CHERP: variants seen among roughly 807,000 people sequenced by gnomAD.
CHERP encodes the protein calcium homeostasis endoplasmic reticulum protein.
In CHERP, 8 loss-of-function variants were observed where a neutral mutation model predicts 113.8. The ratio of observed to expected loss-of-function variants is 0.07; its 90% CI spans 0.04 to 0.13. The LOEUF (loss-of-function observed/expected upper bound fraction) is 0.13. Among genes scored for constraint, CHERP ranks in the 10% least tolerant of loss-of-function variants. CHERP has a pLI of 1.00. For missense variants in CHERP, 884 were observed against 1,298.2 expected, an observed-to-expected ratio of 0.68 and a Z score of 4.90; for synonymous variants, 559 against 524.5, an observed-to-expected ratio of 1.07 and a Z score of -0.90.
chr19:16,523,282 G>T lies in CHERP; in HGVS notation c.1750C>A (p.Pro584Thr). 1 of 1,601,766 alleles carries T rather than the reference G, an allele frequency of 6.2e-7. No homozygotes were observed. The highest frequency in any genetic ancestry group is 8.5e-7 in the Non-Finnish European group (1 of 1,175,008). The change falls in exon 11 of 17, where the codon CCC becomes ACC. Residue 584 changes from proline (P) to threonine (T), a missense_variant. Coordinates refer to ENST00000546361, the MANE Select transcript of CHERP (RefSeq NM_006387.6). The surrounding 1 kb of genome is among the most constrained non-coding windows in gnomAD (Gnocchi z 4.0). ...CGGTGGCCAGGGTGGTGGTGAGGGG[G>T]CCCCATTTCTGCAAAACAGAGACTT... ...PQGDFPAEMG[P>T]PHHHPGHRMP...
At chr19:16,528,676 G>A (rs1051670642) in intron 8 of CHERP, among the ~76,000 whole-genome samples, 96 of 152,164 alleles carry the variant, frequency 6.3e-4, no homozygotes, top group Admixed American at 1.2e-3. Context: ...TTGCTAGGCC[G>A]GGTGCGGTGG....
chr19:16,531,768 G>C (rs1039864230), intron 5 of CHERP, among the ~76,000 whole-genome samples: 2 of 152,168 alleles, frequency 1.3e-5, no homozygotes, highest in African/African-American at 2.4e-5. Context: ...CCCAGCAGGA[G>C]AGAAACAGGG....
Position 16,518,425 on chromosome 19 carries a change from G to T in CHERP, c.*734C>A, listed in dbSNP as rs1449167367. 1 of 152,080 alleles carries T rather than the reference G, an allele frequency of 6.6e-6. No individual in the cohort carries two copies. The highest frequency in any genetic ancestry group is 1.9e-4 in the East Asian group (1 of 5,184). The allele number at this position is 152,080 out of a possible 1,614,324, so 9.4% of individuals were successfully genotyped here. A position where few individuals can be genotyped will look rare whatever the true frequency, so the allele number is the denominator to read the frequency against. ...TTTCCTGTTAGAATCTTGTTTCCCA[G>T]ATAACAGCAAATGGCTACATTCCAG... is the stretch of plus-strand genomic sequence containing the variant. On this transcript the variant is annotated 3_prime_UTR_variant, in exon 17 of 17. Coordinates refer to ENST00000546361, the MANE Select transcript of CHERP (RefSeq NM_006387.6).
chr19:16,542,361 G>A lies in CHERP; in HGVS notation c.18C>T (p.Pro6=), dbSNP rs765933663. The A allele has an allele frequency of 1.1e-5, 16 of 1,394,948 alleles. No individual in the cohort carries two copies. The highest frequency in any genetic ancestry group is 1.4e-5 in the Non-Finnish European group (15 of 1,068,108). 86.4% of individuals were successfully genotyped at this position (1,394,948 alleles called of 1,614,324 possible). A position where few individuals can be genotyped will look rare whatever the true frequency, so the allele number is the denominator to read the frequency against. The change falls in exon 1 of 17, where the codon CCC becomes CCT. Residue 6 remains proline (P), a synonymous_variant. Coordinates refer to ENST00000546361, the MANE Select transcript of CHERP (RefSeq NM_006387.6). MEMPL[P]PDDQELRNVI... is the part of the protein sequence containing the mutation. ...GGCCGGTTTGGGTCTCACCATCGGGGGGCAGCGGCATCTCCATGGCTCCGG... is the reference window on the plus strand; with the variant it reads ...GGCCGGTTTGGGTCTCACCATCGGGAGGCAGCGGCATCTCCATGGCTCCGG...
intron 1 of CHERP, 92 bp downstream of exon 1, chr19:16,542,262 C>T: frequency 8.2e-7 from 1 of 1,215,412 alleles, no homozygotes; most frequent in Non-Finnish European, 1.1e-6. Context: ...GAGCCCCGCC[C>T]CCTCCCAGAC....
chr19:16,538,882 G>A (rs1041861715), intron 2 of CHERP, among the ~76,000 whole-genome samples: 4 of 151,792 alleles, frequency 2.6e-5, no homozygotes, highest in East Asian at 1.9e-4. Flanking sequence ...CCATCAGGTC[G>A]TCAATATGCA....
At position 16,519,435 on chromosome 19, in the gene CHERP, A is replaced by G; in HGVS notation, c.2558-83T>C. On this transcript the variant is annotated intron_variant, in intron 16 of 16. Transcript: ENST00000546361. This position sits in a 1 kb window ranked among gnomAD's most constrained non-coding sequence, Gnocchi z 6.0. The stretch of plus-strand genomic sequence containing the variant: ...TGGGGGGCTGAATGTCCAGACAGGC[A>G]GTGTAGACATGGGAAATGGGTAGAG... The G allele has an allele frequency of 2.8e-6, 4 of 1,441,164 alleles. No homozygotes were observed. Among genetic ancestry groups the G allele is most frequent in the Non-Finnish European group, 2.9e-6 (3 of 1,049,884 alleles). 89.3% of individuals were successfully genotyped at this position (1,441,164 alleles called of 1,614,324 possible).
rs1350116631 is a variant in CHERP, at chr19:16,530,031, G to C, written c.877-131C>G. 7 of 1,203,848 alleles carry C rather than the reference G, an allele frequency of 5.8e-6. No individual in the cohort carries two copies. Among genetic ancestry groups the C allele is most frequent in the African/African-American group, 1.5e-5 (1 of 66,070 alleles). 74.6% of individuals were successfully genotyped at this position (1,203,848 alleles called of 1,614,324 possible). On this transcript the variant is annotated intron_variant, in intron 7 of 16. Transcript: ENST00000546361. This position sits in a 1 kb window ranked among gnomAD's most constrained non-coding sequence, Gnocchi z 4.1. ...GCAGGTGGACAGGGAACCGTCACGT[G>C]AAACAGCCAACACAGTCTGGGCAAT...
At chr19:16,538,684 C>CA (rs374159597) in intron 2 of CHERP, among the ~76,000 whole-genome samples, 35 of 146,692 alleles carry the variant, frequency 2.4e-4, no homozygotes, top group East Asian at 7.9e-4. Flanking sequence ...ACTCCATCTC[C>CA]AAAAAAAAAA....
Position 16,520,745 on chromosome 19 carries a change from G to A in CHERP, c.2201+81C>T, listed in dbSNP as rs2085605665. ...CAGGCTGTGTGAGGGTGGACGTGAT[G>A]AGTGTATCTGGGGTCTGCTCCCACC... On this transcript the variant is annotated intron_variant, in intron 13 of 16. Coordinates refer to ENST00000546361, the MANE Select transcript of CHERP (RefSeq NM_006387.6). This position sits in a 1 kb window ranked among gnomAD's most constrained non-coding sequence, Gnocchi z 4.0. 7.3e-7 allele frequency: 1 copy of A among 1,372,120 alleles called. No individual in the cohort carries two copies. Among genetic ancestry groups the A allele is most frequent in the African/African-American group, 1.4e-5 (1 of 70,156 alleles). 85.0% of individuals were successfully genotyped at this position (1,372,120 alleles called of 1,614,324 possible).
chr19:16,519,436 G>T lies in CHERP; in HGVS notation c.2558-84C>A. ...GGGGGGCTGAATGTCCAGACAGGCA[G>T]TGTAGACATGGGAAATGGGTAGAGA... On this transcript the variant is annotated intron_variant, in intron 16 of 16. Transcript: ENST00000546361. This position sits in a 1 kb window ranked among gnomAD's most constrained non-coding sequence, Gnocchi z 6.0. 1 of 1,434,474 alleles carries T rather than the reference G, an allele frequency of 7.0e-7. No homozygotes were observed. Among genetic ancestry groups the T allele is most frequent in the Non-Finnish European group, 9.6e-7 (1 of 1,044,036 alleles). The allele number at this position is 1,434,474 out of a possible 1,614,324, so 88.9% of individuals were successfully genotyped here.
intron 2 of CHERP, among the ~76,000 whole-genome samples, chr19:16,538,334 T>G (rs560274875): frequency 6.6e-6 from 1 of 152,202 alleles, no homozygotes; most frequent in African/African-American, 2.4e-5. Context: ...CCCCTTGTTT[T>G]CACCTGGCCA....
Position 16,519,336 on chromosome 19 carries a change from G to A in CHERP, c.2574C>T (p.Gly858=), listed in dbSNP as rs201316430. The A allele has an allele frequency of 3.9e-4, 635 of 1,611,984 alleles. No individual in the cohort carries two copies. Among genetic ancestry groups the A allele is most frequent in the Non-Finnish European group, 4.7e-4 (555 of 1,179,664 alleles). ...MLVKMGWSGS[G]GLGAKEQGIQ... ...TCCCTTGCTCCTTCGCACCGAGGCC[G>A]CCTGAGCCGCTCCAGCCTGGAAACA... The change falls in exon 17 of 17, where the codon GGC becomes GGT. Residue 858 remains glycine (G), a synonymous_variant. Transcript: ENST00000546361. This position sits in a 1 kb window ranked among gnomAD's most constrained non-coding sequence, Gnocchi z 6.0.
intron 9 of CHERP, among the ~76,000 whole-genome samples, chr19:16,527,139 T>C (rs1038707927): frequency 6.6e-6 from 1 of 152,192 alleles, no homozygotes; most frequent in Non-Finnish European, 1.5e-5. Context: ...GGCGTGCCCA[T>C]TGTCCTGAGC....
rs770800905 is a variant in CHERP, at chr19:16,521,663, G to A, written c.1981-9C>T. 5.0e-5 allele frequency: 79 copies of A among 1,565,516 alleles called. No individual in the cohort carries two copies. The highest frequency in any genetic ancestry group is 6.2e-5 in the Non-Finnish European group (71 of 1,152,464). ...TACTCGTGATCTTCCAGCTGCAGCA[G>A]AGAACCCCAGCTGTCACCATGCCTG... On this transcript the variant is annotated splice_polypyrimidine_tract_variant and intron_variant, in intron 11 of 16. Coordinates refer to ENST00000546361, the MANE Select transcript of CHERP (RefSeq NM_006387.6).
intron 3 of CHERP, among the ~76,000 whole-genome samples, chr19:16,534,797 G>T (rs762007442): frequency 6.6e-6 from 1 of 152,116 alleles, no homozygotes; most frequent in African/African-American, 2.4e-5. Context: ...TCTATTTGGC[G>T]AAAGTTATCA....
Position 16,530,725 on chromosome 19 carries a change from G to A in CHERP, c.786+44C>T. 8 of 1,613,994 alleles carry A rather than the reference G, an allele frequency of 5.0e-6. No homozygotes were observed. Among genetic ancestry groups the A allele is most frequent in the Non-Finnish European group, 6.8e-6 (8 of 1,179,896 alleles). Reference sequence around the variant, plus strand: ...GGGTCAGTGGGGAGGGGAAAGGCCTGTGTGTCCCGGTCTTGCCCAACCCCC... The same window carrying A: ...GGGTCAGTGGGGAGGGGAAAGGCCTATGTGTCCCGGTCTTGCCCAACCCCC... On this transcript the variant is annotated intron_variant, in intron 6 of 16. Coordinates refer to ENST00000546361, the MANE Select transcript of CHERP (RefSeq NM_006387.6). The surrounding 1 kb of genome is among the most constrained non-coding windows in gnomAD (Gnocchi z 4.1).
chr19:16,531,373 T>A (rs1055932072), intron 5 of CHERP, among the ~76,000 whole-genome samples: 22 of 151,772 alleles, frequency 1.4e-4, no homozygotes, highest in African/African-American at 5.3e-4. Context: ...TTTAGAAGAG[T>A]GACCGGATGC....
In CHERP at chr19:16,525,326, G is replaced by C. The variant is rs2085649819; in HGVS notation, c.1657C>G (p.Gln553Glu). 2 of 1,469,064 alleles carry C rather than the reference G, an allele frequency of 1.4e-6. No homozygotes were observed. The highest frequency in any genetic ancestry group is 1.8e-6 in the Non-Finnish European group (2 of 1,109,416). The allele number at this position is 1,469,064 out of a possible 1,614,324, so 91.0% of individuals were successfully genotyped here. A position where few individuals can be genotyped will look rare whatever the true frequency, so the allele number is the denominator to read the frequency against. Reference sequence around the variant, plus strand: ...GGGTGCCGTGGCGGGAAGTCGTCCTGCATGAAGCGGGGCGGGAAGCGGTTG... The same window carrying C: ...GGGTGCCGTGGCGGGAAGTCGTCCTCCATGAAGCGGGGCGGGAAGCGGTTG... Reference protein sequence around the residue: ...NFNRFPPRFMQDDFPPRHPFE... With the variant: ...NFNRFPPRFMEDDFPPRHPFE... Residue 553 changes from glutamine (Q) to glutamate (E), a missense_variant, in exon 10 of 17, where the codon CAG becomes GAG. This residue lies in a region of CHERP where 464 missense variants were observed against 590.1 expected (regional missense o/e 0.79). Transcript: ENST00000546361. This position sits in a 1 kb window ranked among gnomAD's most constrained non-coding sequence, Gnocchi z 6.5.
Sources: gnomAD v4.1 joint callset for allele counts (sites outside exome capture counted in the v4.1 genomes callset) on GRCh38, gnomAD v4.1.1 for gene constraint, gnomAD v4.1.1 regional missense constraint, Gnocchi (gnomAD v3.1) non-coding constraint, MANE v1.5 for transcripts, NCBI Gene and HGNC (gene_info 2026-07-23, HGNC 2026-07-21) for gene names.